Variants in SMARCC1 observed in about 807,000 individuals in gnomAD.
SMARCC1 encodes SWI/SNF complex subunit SMARCC1.
In SMARCC1, 43 loss-of-function variants were observed where a neutral mutation model predicts 147.4. That is an observed-to-expected ratio of 0.29 (90% CI 0.23 to 0.38). The LOEUF (loss-of-function observed/expected upper bound fraction) is 0.38, where lower values mean the gene tolerates loss of function less well. Among genes scored for constraint, SMARCC1 ranks in the 10% least tolerant of loss-of-function variants. The pLI is 1.00. For missense variants in SMARCC1, 1,119 were observed against 1,381.1 expected, an observed-to-expected ratio of 0.81 and a Z score of 3.01; for synonymous variants, 495 against 484.4, an observed-to-expected ratio of 1.02 and a Z score of -0.29.
intron 24 of SMARCC1, among the ~76,000 whole-genome samples, chr3:47,622,576 G>C (rs2032749865): frequency 1.3e-5 from 2 of 152,006 alleles, no homozygotes; most frequent in South Asian, 2.1e-4. Flanking sequence ...ACCTTCAAAA[G>C]GGCTATCAAG....
intron 11 of SMARCC1, among the ~76,000 whole-genome samples, chr3:47,696,873 T>G (rs564837552): frequency 6.6e-6 from 1 of 152,102 alleles, no homozygotes; most frequent in African/African-American, 2.4e-5. Flanking sequence ...GATTTTGGGT[T>G]TTTTTGAATC....
chr3:47,600,381 AGAAAAGACAG>A (rs986274250), intron 26 of SMARCC1, among the ~76,000 whole-genome samples: 1 of 152,202 alleles, frequency 6.6e-6, no homozygotes, highest in Non-Finnish European at 1.5e-5. Flanking sequence ...GTGGGTTTAG[AGAAAAGACAG>A]GAAAGGAGGT....
chr3:47,690,322 T>C (rs1194553511), intron 12 of SMARCC1, among the ~76,000 whole-genome samples: 1 of 152,134 alleles, frequency 6.6e-6, no homozygotes, highest in Non-Finnish European at 1.5e-5. Context: ...AAAAATGCTA[T>C]ACAAAGAATA....
chr3:47,746,015 C>A, intron 2 of SMARCC1, 22 bp from the exon 3 acceptor site: 1 of 1,483,882 alleles, frequency 6.7e-7, no homozygotes, highest in Non-Finnish European at 9.1e-7. Context: ...ACAAATTACA[C>A]ATGAGAAAAA....
At chr3:47,658,954 C>T (rs949872008) in intron 21 of SMARCC1, among the ~76,000 whole-genome samples, 1 of 151,930 alleles carries the variant, frequency 6.6e-6, no homozygotes, top group Non-Finnish European at 1.5e-5. Context: ...CCCATCTCTA[C>T]TAAAAACACA....
At chr3:47,684,528 C>T (rs1330296044) in intron 14 of SMARCC1, among the ~76,000 whole-genome samples, 1 of 151,466 alleles carries the variant, frequency 6.6e-6, no homozygotes, top group East Asian at 2.0e-4. Flanking sequence ...GCAACCTCTG[C>T]CTCCTGGGTT....
intron 8 of SMARCC1, among the ~76,000 whole-genome samples, chr3:47,712,690 C>T (rs1465804823): frequency 6.6e-6 from 1 of 152,142 alleles, no homozygotes; most frequent in Non-Finnish European, 1.5e-5. Context: ...TAATTAGAGG[C>T]AAAGCTTGGA....
intron 26 of SMARCC1, among the ~76,000 whole-genome samples, chr3:47,598,825 CAAAAAAAAAAAAA>C (rs59776566): frequency 2.9e-5 from 2 of 68,992 alleles, no homozygotes; most frequent in South Asian, 6.0e-4. Context: ...GACTCTGTCT[CAAAAAAAAAAAAA>C]AAAAAAAAAA....
At position 47,701,323 on chromosome 3, in the gene SMARCC1, G is replaced by A; in HGVS notation, c.1120C>T (p.Pro374Ser). Residue 374 changes from proline to serine, a missense_variant, in exon 11 of 28, where the codon CCA becomes TCA. Around this residue, in one of 6 missense-constraint regions of SMARCC1, gnomAD observed 542 missense variants for 611.8 expected, o/e 0.89. Coordinates refer to ENST00000254480, the MANE Select transcript of SMARCC1 (RefSeq NM_003074.4). ...TCTTCTATATTGGGTACAGGTGTTGGGTCTTCCATATCCTTGGTTAGATCT... is the reference window on the plus strand; with the variant it reads ...TCTTCTATATTGGGTACAGGTGTTGAGTCTTCCATATCCTTGGTTAGATCT... ...QEDLTKDMED[P>S]TPVPNIEEVV... 3 of 1,612,834 alleles carry A rather than the reference G, an allele frequency of 1.9e-6. No homozygotes were observed. Among genetic ancestry groups the A allele is most frequent in the Non-Finnish European group, 2.5e-6 (3 of 1,178,910 alleles).
chr3:47,738,633 G>A (rs1404058201), intron 3 of SMARCC1, among the ~76,000 whole-genome samples: 2 of 151,944 alleles, frequency 1.3e-5, no homozygotes, highest in African/African-American at 2.4e-5. Flanking sequence ...GCAGTGAGCC[G>A]GGATCACGCC....
chr3:47,637,953 A>G (rs2032993469), intron 22 of SMARCC1, among the ~76,000 whole-genome samples: 1 of 152,064 alleles, frequency 6.6e-6, no homozygotes, highest in Non-Finnish European at 1.5e-5. Flanking sequence ...CCTACCTCAT[A>G]TGTCATCTTC....
At chr3:47,756,645 T>A (rs1468303645) in intron 2 of SMARCC1, among the ~76,000 whole-genome samples, 1 of 151,934 alleles carries the variant, frequency 6.6e-6, no homozygotes, top group Non-Finnish European at 1.5e-5. Context: ...CAAATAATGG[T>A]CCACGGGTCA....
intron 19 of SMARCC1, among the ~76,000 whole-genome samples, chr3:47,663,422 C>A (rs1172736185): frequency 6.6e-6 from 1 of 152,000 alleles, no homozygotes; most frequent in African/African-American, 2.4e-5. Context: ...TAGCAATGAA[C>A]AATTTTAAAT....
intron 2 of SMARCC1, among the ~76,000 whole-genome samples, chr3:47,762,198 T>C (rs1162075068): frequency 7.2e-5 from 11 of 152,184 alleles, no homozygotes; most frequent in Admixed American, 7.2e-4. Context: ...CCCTCTGCAT[T>C]TACTCCTCCC....
At chr3:47,669,692 G>A (rs1321327731) in intron 19 of SMARCC1, among the ~76,000 whole-genome samples, 1 of 152,096 alleles carries the variant, frequency 6.6e-6, no homozygotes, top group Non-Finnish European at 1.5e-5. Flanking sequence ...AGAAAGATAA[G>A]GTTGGGGGGA....
At chr3:47,595,366 A>G (rs2032256876) in intron 26 of SMARCC1, among the ~76,000 whole-genome samples, 1 of 151,996 alleles carries the variant, frequency 6.6e-6, no homozygotes, top group Admixed American at 6.6e-5. Flanking sequence ...CTCTACTAAA[A>G]ATACAAAAAA....
At chr3:47,741,181 C>G in intron 3 of SMARCC1, among the ~76,000 whole-genome samples, 1 of 151,822 alleles carries the variant, frequency 6.6e-6, no homozygotes, top group Non-Finnish European at 1.5e-5. Context: ...ACAACTGTTT[C>G]AGTAGAGCGG....
chr3:47,619,039 G>A (rs1373081833), intron 25 of SMARCC1, among the ~76,000 whole-genome samples: 1 of 152,094 alleles, frequency 6.6e-6, no homozygotes, highest in East Asian at 1.9e-4. Flanking sequence ...TCTGTAAAAT[G>A]TCAAAAGGGA....
intron 13 of SMARCC1, among the ~76,000 whole-genome samples, chr3:47,688,916 A>AGTT (rs2033760725): frequency 6.6e-6 from 1 of 152,198 alleles, no homozygotes; most frequent in Admixed American, 6.5e-5. Context: ...GGTCCAAGAA[A>AGTT]GTCAAGTATT....
Sources: allele counts gnomAD v4.1 joint callset (sites outside exome capture counted in the v4.1 genomes callset), GRCh38; gene constraint gnomAD v4.1.1; regional missense constraint gnomAD v4.1.1; transcripts MANE v1.5; gene names NCBI Gene and HGNC (gene_info 2026-07-23, HGNC 2026-07-21).